CAMTA1: variants seen among roughly 807,000 people sequenced by gnomAD.
CAMTA1 encodes the protein calmodulin-binding transcription activator 1.
In CAMTA1, 27 loss-of-function variants were observed where a neutral mutation model predicts 170.9. That is an observed-to-expected ratio of 0.16 (90% CI 0.12 to 0.22). The LOEUF is 0.22. Ranked by LOEUF, CAMTA1 falls within the 10% of genes least tolerant of loss-of-function variation. The probability of loss-of-function intolerance (pLI) is 1.00; values close to 1 mark genes in which losing one functional copy is unlikely to be tolerated. For missense variants in CAMTA1, 1,619 were observed against 2,217.2 expected (o/e 0.73, Z 5.42); for synonymous variants, 833 against 891.5 (o/e 0.93, Z 1.17).
rs572219386 is a variant in CAMTA1, at chr1:6,887,414, T to C, written c.234+62204T>C. 2.0e-5 allele frequency among the ~76,000 whole-genome samples: 3 copies of C among 152,320 alleles called. No homozygotes were observed. Among genetic ancestry groups the C allele is most frequent in the African/African-American group, 7.2e-5 (3 of 41,576 alleles). ...CATTGTATGAGACCCAGTTTTGGAT[T>C]ATCATAGGCGAAGAAGTCAGACATA... On this transcript the variant is annotated intron_variant, in intron 3 of 22. Coordinates refer to ENST00000303635, the MANE Select transcript of CAMTA1 (RefSeq NM_015215.4). The surrounding 1 kb of genome is among the most constrained non-coding windows in gnomAD (Gnocchi z 4.1).
chr1:7,477,038 C>T (rs1750854), intron 6 of CAMTA1, among the ~76,000 whole-genome samples: 5 of 152,154 alleles, frequency 3.3e-5, no homozygotes, highest in Non-Finnish European at 5.9e-5. Flanking sequence ...CAGACGCTTG[C>T]GCCATTAGAT....
chr1:7,695,119 C>G (rs1433751326), intron 11 of CAMTA1, among the ~76,000 whole-genome samples: 9 of 152,326 alleles, frequency 5.9e-5, no homozygotes, highest in Admixed American at 5.2e-4. Context: ...CGGTAGATAG[C>G]TCTGTACAGG....
intron 6 of CAMTA1, 41 bp downstream of exon 6, chr1:7,467,942 T>C (rs774951346): frequency 5.8e-6 from 9 of 1,543,544 alleles, no homozygotes; most frequent in Non-Finnish European, 8.1e-6. Flanking sequence ...TCTCTGGTGC[T>C]CGGGAAGGGT....
intron 5 of CAMTA1, among the ~76,000 whole-genome samples, chr1:7,400,466 C>T (rs72853169): frequency 0.017 from 2,604 of 152,090 alleles, 74 homozygotes; most frequent in African/African-American, 0.06. Flanking sequence ...TTTTTCCAGG[C>T]AATTTGTAAA....
intron 6 of CAMTA1, among the ~76,000 whole-genome samples, chr1:7,591,515 C>T (rs566897377): frequency 3.1e-4 from 47 of 152,260 alleles, no homozygotes; most frequent in African/African-American, 1.0e-3. Context: ...TCAAAGTTTC[C>T]AGGAATAATT....
intron 3 of CAMTA1, among the ~76,000 whole-genome samples, chr1:7,077,936 T>C (rs1639518454): frequency 1.3e-5 from 2 of 152,060 alleles, no homozygotes; most frequent in South Asian, 2.1e-4. Flanking sequence ...GAGGTGTTAG[T>C]GGAGCTTTTC....
chr1:7,758,393 A>G (rs2096947514), intron 22 of CAMTA1, among the ~76,000 whole-genome samples: 1 of 152,166 alleles, frequency 6.6e-6, no homozygotes, highest in Non-Finnish European at 1.5e-5. Flanking sequence ...CACGACATCT[A>G]TGCAAGTTTG....
At position 7,562,494 on chromosome 1, in the gene CAMTA1, C is replaced by T. The variant is rs2094971314; in HGVS notation, c.511-77906C>T. Among the ~76,000 whole-genome samples, 2 of 152,132 alleles carry T rather than the reference C, an allele frequency of 1.3e-5. No individual in the cohort carries two copies. Among genetic ancestry groups the T allele is most frequent in the Non-Finnish European group, 1.5e-5 (1 of 68,020 alleles). On this transcript the variant is annotated intron_variant, in intron 6 of 22. Coordinates refer to ENST00000303635, the MANE Select transcript of CAMTA1 (RefSeq NM_015215.4). This position sits in a 1 kb window ranked among gnomAD's most constrained non-coding sequence, Gnocchi z 4.8. Reference sequence around the variant, plus strand: ...CCCCAGGCTGGCAGACGGCTCTGCCCACTCCCGCCCGCCTGCGACACCTGT... The same window carrying T: ...CCCCAGGCTGGCAGACGGCTCTGCCTACTCCCGCCCGCCTGCGACACCTGT...
chr1:7,221,628 G>A (rs953085145), intron 4 of CAMTA1, among the ~76,000 whole-genome samples: 4 of 152,122 alleles, frequency 2.6e-5, no homozygotes, highest in African/African-American at 4.8e-5. Flanking sequence ...GGTGGGGAAC[G>A]CTGGGGTCTC....
chr1:6,805,236 G>T (rs1644380562), intron 1 of CAMTA1, among the ~76,000 whole-genome samples: 1 of 152,152 alleles, frequency 6.6e-6, no homozygotes, highest in South Asian at 2.1e-4. Flanking sequence ...ATGGGAAGTG[G>T]TATATTATTG....
At chr1:7,689,561 A>G (rs1350943657) in intron 11 of CAMTA1, among the ~76,000 whole-genome samples, 3 of 152,174 alleles carry the variant, frequency 2.0e-5, no homozygotes, top group African/African-American at 7.2e-5. Flanking sequence ...CCTGAGTGAC[A>G]GAGCGAGACC....
At chr1:7,315,562 C>G (rs779290028) in intron 5 of CAMTA1, among the ~76,000 whole-genome samples, 2 of 152,174 alleles carry the variant, frequency 1.3e-5, no homozygotes, top group Non-Finnish European at 2.9e-5. Flanking sequence ...GCCTCAAATG[C>G]CAGATGTGGG....
At chr1:7,143,155 G>C (rs745624293) in intron 4 of CAMTA1, among the ~76,000 whole-genome samples, 3 of 152,138 alleles carry the variant, frequency 2.0e-5, no homozygotes, top group Admixed American at 1.3e-4. Flanking sequence ...AGCTCCCATG[G>C]TGGAAGGTGG....
At chr1:7,517,723 A>G (rs1267843909) in intron 6 of CAMTA1, among the ~76,000 whole-genome samples, 1 of 151,970 alleles carries the variant, frequency 6.6e-6, no homozygotes, top group Non-Finnish European at 1.5e-5. Flanking sequence ...CAACCAACAC[A>G]TCCTCTGTCT....
At chr1:7,331,985 T>C (rs1008594898) in intron 5 of CAMTA1, among the ~76,000 whole-genome samples, 1 of 152,148 alleles carries the variant, frequency 6.6e-6, no homozygotes, top group African/African-American at 2.4e-5. Context: ...TGCAGAAAGA[T>C]TGGCTTCCCC....
intron 5 of CAMTA1, among the ~76,000 whole-genome samples, chr1:7,267,896 A>G (rs550036980): frequency 1.3e-5 from 2 of 152,344 alleles, no homozygotes; most frequent in African/African-American, 2.4e-5. Flanking sequence ...CCCAAGGGGT[A>G]GAGCTAAGTG....
chr1:7,655,239 T>TCC (rs2095884764), intron 7 of CAMTA1, among the ~76,000 whole-genome samples: 1 of 120,230 alleles, frequency 8.3e-6, no homozygotes, highest in African/African-American at 3.3e-5. Context: ...CACACACCTA[T>TCC]ACACACACAC....
intron 6 of CAMTA1, among the ~76,000 whole-genome samples, chr1:7,537,942 T>A (rs2094567835): frequency 6.6e-6 from 1 of 152,226 alleles, no homozygotes; most frequent in Non-Finnish European, 1.5e-5. Flanking sequence ...TTTCTTCTAC[T>A]TCAGAAAACA....
chr1:7,473,617 T>G (rs763754733), intron 6 of CAMTA1, among the ~76,000 whole-genome samples: 2 of 152,180 alleles, frequency 1.3e-5, no homozygotes, highest in Non-Finnish European at 2.9e-5. Context: ...GCTGCAGCCC[T>G]CAAGAGGGGC....
Sources: allele counts gnomAD v4.1 joint callset (sites outside exome capture counted in the v4.1 genomes callset), GRCh38; gene constraint gnomAD v4.1.1; non-coding constraint Gnocchi (gnomAD v3.1); transcripts MANE v1.5; gene names NCBI Gene and HGNC (gene_info 2026-07-23, HGNC 2026-07-21).